Variants in PRICKLE1 observed in about 807,000 individuals in gnomAD.
PRICKLE1 encodes the protein prickle planar cell polarity protein 1, also known as prickle-like protein 1.
A neutral mutation model predicts 70.2 loss-of-function variants in PRICKLE1; 14 were observed. That is an observed-to-expected ratio of 0.20 (90% CI 0.13 to 0.31). The LOEUF (loss-of-function observed/expected upper bound fraction) is 0.31, where lower values mean the gene tolerates loss of function less well. Ranked by LOEUF, PRICKLE1 falls within the 10% of genes least tolerant of loss-of-function variation. The pLI is 1.00. For missense variants in PRICKLE1, 821 were observed against 1,026.2 expected (o/e 0.80, Z 2.73); for synonymous variants, 357 against 379.9 (o/e 0.94, Z 0.70).
chr12:42,555,826 C>A (rs1473338168), intron 1 of PRICKLE1, among the ~76,000 whole-genome samples: 1 of 152,156 alleles, frequency 6.6e-6, no homozygotes, highest in African/African-American at 2.4e-5. Flanking sequence ...TCTTTATATA[C>A]CACTTGGTTG....
chr12:42,551,901 C>T (rs1000809668), intron 1 of PRICKLE1, among the ~76,000 whole-genome samples: 3 of 152,060 alleles, frequency 2.0e-5, no homozygotes, highest in Admixed American at 2.0e-4. Context: ...AACCAAAAAA[C>T]AAAAAGCCCC....
intron 1 of PRICKLE1, among the ~76,000 whole-genome samples, chr12:42,571,501 A>T (rs570204351): frequency 1.3e-5 from 2 of 152,352 alleles, no homozygotes; most frequent in Admixed American, 1.3e-4. Flanking sequence ...CTCAGTCTGC[A>T]GGCAGTTTTG....
At chr12:42,502,111 C>T (rs2140182994) in intron 1 of PRICKLE1, among the ~76,000 whole-genome samples, 1 of 151,934 alleles carries the variant, frequency 6.6e-6, no homozygotes, top group African/African-American at 2.4e-5. Context: ...AGGGTAAATA[C>T]AAGGCCTACT....
rs375420597 is a variant in PRICKLE1 at position 42,460,083 on chromosome 12, T to C, written c.2222A>G (p.Tyr741Cys). Residue 741 changes from tyrosine (Y) to cysteine (C), a missense_variant, in exon 8 of 8, where the codon TAT becomes TGT. By Grantham distance (194) the Tyr-to-Cys change is radical (BLOSUM62 -2). Transcript: ENST00000345127. ...YGQYAHATSD[Y>C]GLQNPGMNRF... Reference sequence around the variant, plus strand: ...ATTCATTCCTGGGTTCTGCAGGCCATAATCGGAAGTGGCATGGGCGTACTG... The same window carrying C: ...ATTCATTCCTGGGTTCTGCAGGCCACAATCGGAAGTGGCATGGGCGTACTG... The C allele has an allele frequency of 1.2e-6, 2 of 1,614,184 alleles. No homozygotes were observed. Among genetic ancestry groups the C allele is most frequent in the Non-Finnish European group, 1.7e-6 (2 of 1,180,044 alleles).
chr12:42,579,630 G>A (rs1940864970), intron 1 of PRICKLE1, among the ~76,000 whole-genome samples: 1 of 152,188 alleles, frequency 6.6e-6, no homozygotes, highest in Non-Finnish European at 1.5e-5. Flanking sequence ...TTGGCAGAGG[G>A]CATATGGTAG....
At chr12:42,569,147 T>C (rs960169119) in intron 1 of PRICKLE1, among the ~76,000 whole-genome samples, 2 of 152,236 alleles carry the variant, frequency 1.3e-5, no homozygotes, top group African/African-American at 2.4e-5. Context: ...CCATCATTTT[T>C]CCCTAGCTGT....
At chr12:42,481,493 G>C (rs1260368655) in intron 1 of PRICKLE1, among the ~76,000 whole-genome samples, 1 of 152,184 alleles carries the variant, frequency 6.6e-6, no homozygotes, top group Non-Finnish European at 1.5e-5. Flanking sequence ...GATTTGTGAA[G>C]TCAGTTAGGC....
chr12:42,475,109 C>T (rs1938471536), intron 1 of PRICKLE1, among the ~76,000 whole-genome samples: 1 of 152,210 alleles, frequency 6.6e-6, no homozygotes, highest in Non-Finnish European at 1.5e-5. Context: ...CCCCTCCTCC[C>T]AATCACCTGG....
At chr12:42,506,850 T>C (rs2600938) in intron 1 of PRICKLE1, among the ~76,000 whole-genome samples, 26,369 of 151,734 alleles carry the variant, frequency 0.17, 3,036 homozygotes, top group African/African-American at 0.31. Context: ...GGATTACAGG[T>C]GTGAGCCACC....
At chr12:42,538,314 C>CA (rs978610248) in intron 1 of PRICKLE1, among the ~76,000 whole-genome samples, 165 of 149,642 alleles carry the variant, frequency 1.1e-3, no homozygotes, top group South Asian at 5.1e-3. Flanking sequence ...TACTAGGCAG[C>CA]AAAAAAAAAT....
intron 1 of PRICKLE1, among the ~76,000 whole-genome samples, chr12:42,552,662 T>C (rs1046022688): frequency 6.6e-6 from 1 of 152,100 alleles, no homozygotes; most frequent in South Asian, 2.1e-4. Flanking sequence ...AAGTTAAGAG[T>C]TGGGCACAGA....
chr12:42,459,422 C>T lies in PRICKLE1; in HGVS notation c.*387G>A. The T allele has an allele frequency of 4.3e-6, 3 of 696,216 alleles. No homozygotes were observed. Among genetic ancestry groups the T allele is most frequent in the Admixed American group, 4.1e-5 (2 of 48,304 alleles). 43.1% of individuals were successfully genotyped at this position (696,216 alleles called of 1,614,324 possible). A position where few individuals can be genotyped will look rare whatever the true frequency, so the allele number is the denominator to read the frequency against. On this transcript the variant is annotated 3_prime_UTR_variant, in exon 8 of 8. Coordinates refer to ENST00000345127, the MANE Select transcript of PRICKLE1 (RefSeq NM_153026.3). ...ACGGACTATCAAGACCTGAGCCGAC[C>T]TGACTTACATAAATGACAAACACTA... is the stretch of plus-strand genomic sequence containing the variant.
chr12:42,459,058 A>G lies in PRICKLE1; in HGVS notation c.*751T>C. 1 of 438,230 alleles carries G rather than the reference A, an allele frequency of 2.3e-6. No homozygotes were observed. Among genetic ancestry groups the G allele is most frequent in the Non-Finnish European group, 4.1e-6 (1 of 244,254 alleles). The allele number at this position is 438,230 out of a possible 1,614,324, so 27.1% of individuals were successfully genotyped here. A position where few individuals can be genotyped will look rare whatever the true frequency, so the allele number is the denominator to read the frequency against. ...CATTTATAAACCCTGACTAAAATAT[A>G]AGCAATCAGTTCATCCATAAATTCT... On this transcript the variant is annotated 3_prime_UTR_variant, in exon 8 of 8. Transcript: ENST00000345127.
intron 1 of PRICKLE1, among the ~76,000 whole-genome samples, chr12:42,535,427 G>A (rs1239855188): frequency 6.6e-6 from 1 of 152,170 alleles, no homozygotes; most frequent in African/African-American, 2.4e-5. Context: ...GAACAGACCT[G>A]GTGTGGATCA....
At chr12:42,540,226 A>G (rs1221188219) in intron 1 of PRICKLE1, among the ~76,000 whole-genome samples, 13 of 152,374 alleles carry the variant, frequency 8.5e-5, no homozygotes, top group African/African-American at 3.1e-4. Context: ...GATAACTGAT[A>G]GAATGTTTCC....
At chr12:42,558,610 A>T (rs1940451795) in intron 1 of PRICKLE1, among the ~76,000 whole-genome samples, 1 of 152,222 alleles carries the variant, frequency 6.6e-6, no homozygotes, top group African/African-American at 2.4e-5. Context: ...CCGTGAGTGA[A>T]CACCGGACCA....
intron 1 of PRICKLE1, among the ~76,000 whole-genome samples, chr12:42,533,995 A>G (rs1939972490): frequency 6.6e-6 from 1 of 152,138 alleles, no homozygotes; most frequent in African/African-American, 2.4e-5. Context: ...AAAGGTTCCT[A>G]TTACTGTCAA....
chr12:42,471,723 T>C (rs1938329496), intron 2 of PRICKLE1, among the ~76,000 whole-genome samples: 1 of 152,222 alleles, frequency 6.6e-6, no homozygotes, highest in African/African-American at 2.4e-5. Flanking sequence ...TCTGCTCTTT[T>C]AATAATATCG....
chr12:42,460,723 T>C (rs1937796808), intron 7 of PRICKLE1, 58 bp from the exon 8 acceptor site: 8 of 1,576,290 alleles, frequency 5.1e-6, no homozygotes, highest in Non-Finnish European at 6.9e-6. Flanking sequence ...TCGACAGTAC[T>C]TAAAAGTAAG....
Sources: gnomAD v4.1 joint callset for allele counts (sites outside exome capture counted in the v4.1 genomes callset) on GRCh38, gnomAD v4.1.1 for gene constraint, MANE v1.5 for transcripts, NCBI Gene and HGNC (gene_info 2026-07-23, HGNC 2026-07-21) for gene names.